Variants in APOBEC3D observed in about 807,000 individuals in gnomAD.
APOBEC3D encodes the protein apolipoprotein B mRNA editing enzyme catalytic subunit 3D.
A neutral mutation model predicts 45.6 loss-of-function variants in APOBEC3D; 37 were observed. That is an observed-to-expected ratio of 0.81 (90% CI 0.62 to 1.07). The LOEUF (loss-of-function observed/expected upper bound fraction) is 1.07. Among genes scored for constraint, APOBEC3D ranks in the 50% least tolerant of loss-of-function variants. The pLI is 0.00. For missense variants in APOBEC3D, 496 were observed against 495.3 expected (o/e 1.00, Z -0.01); for synonymous variants, 175 against 180.7 (o/e 0.97, Z 0.25).
rs1926009134 is a variant in APOBEC3D, at chr22:39,029,616, G to A, written c.762+97G>A. ...ACGTGCCCCGCGTGGGCTCTGCTAT[G>A]TGTACTTTCCTCTTACATTTCTTTC... On this transcript the variant is annotated intron_variant, in intron 5 of 6. Transcript: ENST00000216099. The A allele has an allele frequency of 2.9e-6, 4 of 1,385,496 alleles. No individual in the cohort carries two copies. In the East Asian group the frequency reaches 7.0e-5, roughly 24 times the overall value. The allele number at this position is 1,385,496 out of a possible 1,614,324, so 85.8% of individuals were successfully genotyped here.
At chr22:39,022,552 G>A (rs570451320) in intron 1 of APOBEC3D, among the ~76,000 whole-genome samples, 1 of 152,336 alleles carries the variant, frequency 6.6e-6, no homozygotes, top group African/African-American at 2.4e-5. Flanking sequence ...GGGAGTGGGT[G>A]GGCAGAAATA....
chr22:39,033,239 C>G lies in APOBEC3D; in HGVS notation c.*923C>G. ...CTGAAAATAAATCAATAAATACACTCAACCTAAATGGATATGAATATATGT... is the reference window on the plus strand; with the variant it reads ...CTGAAAATAAATCAATAAATACACTGAACCTAAATGGATATGAATATATGT... On this transcript the variant is annotated 3_prime_UTR_variant, in exon 7 of 7. Transcript: ENST00000216099. 3.1e-6 allele frequency: 3 copies of G among 976,924 alleles called. No individual in the cohort carries two copies. The highest frequency in any genetic ancestry group is 3.6e-6 in the Non-Finnish European group (3 of 822,302). The allele number at this position is 976,924 out of a possible 1,614,324, so 60.5% of individuals were successfully genotyped here.
intron 2 of APOBEC3D, among the ~76,000 whole-genome samples, chr22:39,024,275 G>A (rs533622983): frequency 4.6e-5 from 7 of 152,270 alleles, no homozygotes; most frequent in African/African-American, 1.7e-4. Context: ...GCTCAGTAGC[G>A]CCCTTGGCCA....
chr22:39,026,739 T>A (rs1656799683), intron 4 of APOBEC3D, among the ~76,000 whole-genome samples: 1 of 151,826 alleles, frequency 6.6e-6, no homozygotes, highest in African/African-American at 2.4e-5. Flanking sequence ...CAAGGTCCCA[T>A]TTGAGTAAGG....
At chr22:39,029,335 C>T in intron 4 of APOBEC3D, 28 bp from the exon 5 acceptor site, 1 of 1,613,250 alleles carries the variant, frequency 6.2e-7, no homozygotes, top group Non-Finnish European at 8.5e-7. Context: ...GGAATCTCTG[C>T]ACTGGGGTTT....
At chr22:39,031,413 C>CA (rs1175995312) in intron 5 of APOBEC3D, among the ~76,000 whole-genome samples, 1 of 152,022 alleles carries the variant, frequency 6.6e-6, no homozygotes, top group Non-Finnish European at 1.5e-5. Context: ...ACAAAAATTA[C>CA]AAAAAAATTA....
intron 4 of APOBEC3D, among the ~76,000 whole-genome samples, chr22:39,029,127 T>C (rs1234853017): frequency 1.3e-5 from 2 of 152,124 alleles, no homozygotes; most frequent in African/African-American, 4.8e-5. Context: ...GGGTGTCCCA[T>C]TGGTAGGCCC....
chr22:39,032,291 G>GT lies in APOBEC3D; in HGVS notation c.1136_1137insT (p.Arg379SerfsTer98). ...CAAACCAACTTTCGACTTCTGAAAA[G>GT]AAGGCTACGGGAGATTCTCCAGTGA... On this transcript the variant is annotated frameshift_variant, in exon 7 of 7. Coordinates refer to ENST00000216099, the MANE Select transcript of APOBEC3D (RefSeq NM_152426.4). LOFTEE classifies it low-confidence loss of function (END_TRUNC). 6.2e-7 allele frequency: 1 copy of GT among 1,614,194 alleles called. No individual in the cohort carries two copies. Among genetic ancestry groups the GT allele is most frequent in the East Asian group, 2.2e-5 (1 of 44,884 alleles).
Position 39,025,251 on chromosome 22 carries a change from C to A in APOBEC3D, c.392C>A (p.Ser131Tyr). ...CACCCCAATGTCACCCTGACCATCT[C>A]TGCCGCCCGCCTCTACTACTACCGG... Reference protein sequence around the residue: ...AEHPNVTLTISAARLYYYRDR... With the variant: ...AEHPNVTLTIYAARLYYYRDR... The change falls in exon 3 of 7, where the codon TCT (serine) becomes TAT (tyrosine). Residue 131 changes from serine (S) to tyrosine (Y), a missense_variant. By Grantham distance (144) the Ser-to-Tyr change is moderately radical (BLOSUM62 -2). Coordinates refer to ENST00000216099, the MANE Select transcript of APOBEC3D (RefSeq NM_152426.4). 1.2e-6 allele frequency: 2 copies of A among 1,614,160 alleles called. No homozygotes were observed. Among genetic ancestry groups the A allele is most frequent in the Non-Finnish European group, 8.5e-7 (1 of 1,180,022 alleles).
intron 3 of APOBEC3D, 47 bp downstream of exon 3, chr22:39,025,396 C>G (rs1376687965): frequency 1.2e-6 from 2 of 1,612,126 alleles, no homozygotes; most frequent in South Asian, 1.1e-5. Context: ...GGAACAGCCT[C>G]AGAGATGGAT....
intron 4 of APOBEC3D, among the ~76,000 whole-genome samples, chr22:39,027,914 G>A (rs969465924): frequency 2.0e-5 from 3 of 152,208 alleles, no homozygotes; most frequent in South Asian, 2.1e-4. Flanking sequence ...GGTGCTCCCC[G>A]CCTTGGGAGG....
chr22:39,028,908 C>T (rs1601469306), intron 4 of APOBEC3D, among the ~76,000 whole-genome samples: 1 of 152,180 alleles, frequency 6.6e-6, no homozygotes, highest in Non-Finnish European at 1.5e-5. Flanking sequence ...GCACTCCAGC[C>T]TGGTGACAGA....
In APOBEC3D at chr22:39,029,498, GA is replaced by G; in HGVS notation, c.742del (p.Arg248GlyfsTer63). On this transcript the variant is annotated frameshift_variant, in exon 5 of 7. Coordinates refer to ENST00000216099, the MANE Select transcript of APOBEC3D (RefSeq NM_152426.4). LOFTEE classifies it high-confidence loss of function. Reference sequence around the variant, plus strand: ...AGCACCACTCAGCTGTCTTCCGGAAGAGGGGCGTCTTCCGAAACCAGGTAGC... The same window carrying G: ...AGCACCACTCAGCTGTCTTCCGGAAGGGGGCGTCTTCCGAAACCAGGTAGC... Reference protein sequence around the residue: ...TKHHSAVFRKRGVFRNQVDPE... With the variant: ...TKHHSAVFRKXGVFRNQVDPE... 6.2e-7 allele frequency: 1 copy of G among 1,614,210 alleles called. No individual in the cohort carries two copies. The highest frequency in any genetic ancestry group is 2.2e-5 in the East Asian group (1 of 44,882).
In APOBEC3D at chr22:39,031,816, G is replaced by C. The variant is rs373001302; in HGVS notation, c.885G>C (p.Glu295Asp). 2.0e-4 allele frequency: 324 copies of C among 1,613,728 alleles called. No individual in the cohort carries two copies. The highest frequency in any genetic ancestry group is 2.6e-4 in the Non-Finnish European group (308 of 1,179,990). ...ACACATCTTGGAGCCCTTGCCCAGAGTGTGCAGGGGAGGTGGCCGAGTTCC... is the reference window on the plus strand; with the variant it reads ...ACACATCTTGGAGCCCTTGCCCAGACTGTGCAGGGGAGGTGGCCGAGTTCC... ...TWYTSWSPCP[E>D]CAGEVAEFLA... The change falls in exon 6 of 7, where the codon GAG becomes GAC. Residue 295 changes from glutamate (E) to aspartate (D), a missense_variant. Glu to Asp is a conservative substitution (Grantham distance 45, BLOSUM62 2). Coordinates refer to ENST00000216099, the MANE Select transcript of APOBEC3D (RefSeq NM_152426.4).
intron 4 of APOBEC3D, among the ~76,000 whole-genome samples, chr22:39,028,503 TA>T (rs1219689048): frequency 6.6e-6 from 1 of 152,142 alleles, no homozygotes; most frequent in Non-Finnish European, 1.5e-5. Flanking sequence ...ATGCAGCACT[TA>T]GGAGAGTAGC....
chr22:39,033,206 G>A lies in APOBEC3D; in HGVS notation c.*890G>A. ...AACTCCAGTTTGAGCAACAGATCAA[G>A]ACCCTGCCTGAAAATAAATCAATAA... On this transcript the variant is annotated 3_prime_UTR_variant, in exon 7 of 7. Transcript: ENST00000216099. The A allele has an allele frequency of 1.1e-6, 1 of 950,524 alleles. No individual in the cohort carries two copies. Among genetic ancestry groups the A allele is most frequent in the African/African-American group, 1.8e-5 (1 of 56,628 alleles). The allele number at this position is 950,524 out of a possible 1,614,324, so 58.9% of individuals were successfully genotyped here.
intron 2 of APOBEC3D, among the ~76,000 whole-genome samples, chr22:39,024,407 T>C (rs376649124): frequency 6.6e-5 from 10 of 152,054 alleles, no homozygotes; most frequent in Non-Finnish European, 1.3e-4. Context: ...CCTGGGAGAA[T>C]GGATGCCAGA....
At chr22:39,032,143 G>T in intron 6 of APOBEC3D, 55 bp from the exon 7 acceptor site, 1 of 1,602,582 alleles carries the variant, frequency 6.2e-7, no homozygotes, top group Non-Finnish European at 8.5e-7. Context: ...GAGGGCCCAG[G>T]GCCGGGAGAG....
intron 2 of APOBEC3D, among the ~76,000 whole-genome samples, chr22:39,023,649 A>G (rs181531838): frequency 6.7e-6 from 1 of 149,146 alleles, no homozygotes; most frequent in African/African-American, 2.5e-5. Flanking sequence ...GGATTTCACC[A>G]TGTTGTCCAG....
Sources: allele counts gnomAD v4.1 joint callset (sites outside exome capture counted in the v4.1 genomes callset), GRCh38; gene constraint gnomAD v4.1.1; transcripts MANE v1.5; gene names NCBI Gene and HGNC (gene_info 2026-07-23, HGNC 2026-07-21).